Variants in CADPS observed in about 807,000 individuals in gnomAD.
The protein encoded by CADPS is calcium dependent secretion activator.
Under a neutral mutation model 167.3 loss-of-function variants are expected in CADPS, and 57 were observed. The observed-to-expected ratio is 0.34, with a 90% CI of 0.28 to 0.42. The LOEUF (loss-of-function observed/expected upper bound fraction) is 0.42, where lower values mean the gene tolerates loss of function less well. Ranked by LOEUF, CADPS falls within the 20% of genes least tolerant of loss-of-function variation. The pLI is 1.00. For missense variants in CADPS, 1,414 were observed against 1,738.1 expected, an observed-to-expected ratio of 0.81 and a Z score of 3.32; for synonymous variants, 676 against 635.3, an observed-to-expected ratio of 1.06 and a Z score of -0.96.
At chr3:62,855,273 T>C (rs2079461187) in intron 1 of CADPS, among the ~76,000 whole-genome samples, 1 of 151,764 alleles carries the variant, frequency 6.6e-6, no homozygotes, top group African/African-American at 2.4e-5. Flanking sequence ...ATGAGCTCTA[T>C]TCAAAACAAA....
intron 26 of CADPS, among the ~76,000 whole-genome samples, chr3:62,460,548 T>C (rs1222958189): frequency 6.6e-6 from 1 of 152,196 alleles, no homozygotes; most frequent in Non-Finnish European, 1.5e-5. Flanking sequence ...CACCCCACTC[T>C]AGAATTCAGA....
At chr3:62,696,599 C>G (rs2080323708) in intron 3 of CADPS, among the ~76,000 whole-genome samples, 1 of 152,068 alleles carries the variant, frequency 6.6e-6, no homozygotes, top group Non-Finnish European at 1.5e-5. Flanking sequence ...TTCCTCAACT[C>G]TAGGGGATGG....
intron 3 of CADPS, among the ~76,000 whole-genome samples, chr3:62,715,000 T>G (rs1212064652): frequency 6.6e-6 from 1 of 152,138 alleles, no homozygotes; most frequent in African/African-American, 2.4e-5. Flanking sequence ...TAAGAAATGT[T>G]TGTAAATTTG....
chr3:62,520,466 G>A (rs565131153), intron 13 of CADPS, among the ~76,000 whole-genome samples: 1 of 152,200 alleles, frequency 6.6e-6, no homozygotes, highest in Non-Finnish European at 1.5e-5. Flanking sequence ...ACCTCTCCTC[G>A]TACTACTTTC....
At chr3:62,674,943 A>G (rs951086911) in intron 3 of CADPS, among the ~76,000 whole-genome samples, 3 of 152,196 alleles carry the variant, frequency 2.0e-5, no homozygotes, top group Admixed American at 6.5e-5. Context: ...AAATATTGAA[A>G]AATAAATTTA....
chr3:62,404,513 T>C (rs1264055703), intron 28 of CADPS: 1 of 152,264 alleles, frequency 6.6e-6, no homozygotes, highest in Non-Finnish European at 1.5e-5. Context: ...AACTGCCAAG[T>C]TTCACCTTGC....
chr3:62,640,829 C>A (rs7356106), intron 6 of CADPS, among the ~76,000 whole-genome samples: 2,428 of 152,170 alleles, frequency 0.016, 50 homozygotes, highest in African/African-American at 0.055. Context: ...AGTATTTAAT[C>A]CTTGGGGCAT....
chr3:62,549,147 C>T (rs1332423932), intron 11 of CADPS, among the ~76,000 whole-genome samples: 1 of 152,300 alleles, frequency 6.6e-6, no homozygotes, highest in African/African-American at 2.4e-5. Context: ...AAGCAAAAGA[C>T]TCTATTTAGA....
Position 62,874,693 on chromosome 3 carries a change from C to T in CADPS, c.337G>A (p.Glu113Lys), listed in dbSNP as rs762313702. ...AGCTGCAGCCTCTTCTTCCTCTCCT[C>T]CTCCTCTTTCTGCAGCCGCTCCAAC... ...EELERLQKEEEERKKRLQLYV... is the reference protein window; with the variant it reads ...EELERLQKEEKERKKRLQLYV... The change falls in exon 1 of 30, where the codon GAG (glutamate) becomes AAG (lysine). Residue 113 changes from glutamate to lysine, a missense_variant. Coordinates refer to ENST00000383710, the MANE Select transcript of CADPS (RefSeq NM_003716.4). The surrounding 1 kb of genome is among the most constrained non-coding windows in gnomAD (Gnocchi z 7.1). 2.6e-6 allele frequency: 4 copies of T among 1,553,136 alleles called. No homozygotes were observed. The highest frequency in any genetic ancestry group is 3.5e-6 in the Non-Finnish European group (4 of 1,147,366).
intron 4 of CADPS, among the ~76,000 whole-genome samples, chr3:62,652,921 C>A (rs2070594113): frequency 6.6e-6 from 1 of 152,134 alleles, no homozygotes; most frequent in Non-Finnish European, 1.5e-5. Flanking sequence ...CAGCTTCAGT[C>A]AAATACGGAG....
intron 3 of CADPS, among the ~76,000 whole-genome samples, chr3:62,738,634 G>A (rs1427788961): frequency 2.0e-5 from 3 of 152,132 alleles, no homozygotes; most frequent in Non-Finnish European, 2.9e-5. Flanking sequence ...CCTGAGGCAG[G>A]AGAATTGCTT....
intron 3 of CADPS, among the ~76,000 whole-genome samples, chr3:62,727,181 T>TA (rs2076899788): frequency 1.3e-5 from 2 of 151,758 alleles, no homozygotes; most frequent in Admixed American, 1.3e-4. Flanking sequence ...AGAGCATGTA[T>TA]AGGAGTATTT....
At chr3:62,701,742 C>T (rs1240228094) in intron 3 of CADPS, among the ~76,000 whole-genome samples, 2 of 151,996 alleles carry the variant, frequency 1.3e-5, no homozygotes, top group African/African-American at 4.8e-5. Flanking sequence ...GAGAAAGATG[C>T]CTTGTAGAAT....
At chr3:62,723,150 C>T (rs2076123252) in intron 3 of CADPS, among the ~76,000 whole-genome samples, 1 of 152,212 alleles carries the variant, frequency 6.6e-6, no homozygotes, top group South Asian at 2.1e-4. Flanking sequence ...ATGGGAATAA[C>T]TTCTTGTAGA....
At chr3:62,607,053 C>T (rs1410845747) in intron 6 of CADPS, among the ~76,000 whole-genome samples, 2 of 152,206 alleles carry the variant, frequency 1.3e-5, no homozygotes, top group Non-Finnish European at 2.9e-5. Context: ...ACTGATACAA[C>T]CTCTTTATCT....
At chr3:62,533,199 C>T (rs2074064951) in intron 12 of CADPS, 141 bp from the exon 13 acceptor site, 1 of 658,072 alleles carries the variant, frequency 1.5e-6, no homozygotes, top group Non-Finnish European at 2.6e-6. Flanking sequence ...GTGCCAGCCA[C>T]TGTGCACAGC....
chr3:62,431,168 T>G (rs1342426037), intron 28 of CADPS, among the ~76,000 whole-genome samples: 1 of 152,266 alleles, frequency 6.6e-6, no homozygotes, highest in Non-Finnish European at 1.5e-5. Flanking sequence ...AAAATCCCGG[T>G]AGAATTAACA....
At chr3:62,537,894 G>A (rs542114801) in intron 11 of CADPS, among the ~76,000 whole-genome samples, 1 of 152,048 alleles carries the variant, frequency 6.6e-6, no homozygotes, top group South Asian at 2.1e-4. Flanking sequence ...CCTCCTTATT[G>A]TTTGACTTTT....
rs1387908080 is a variant in CADPS, at chr3:62,446,543, C to G, written c.3637-746G>C. Among the ~76,000 whole-genome samples the G allele has an allele frequency of 6.6e-6, 1 of 152,166 alleles. No homozygotes were observed. Among genetic ancestry groups the G allele is most frequent in the Non-Finnish European group, 1.5e-5 (1 of 68,046 alleles). ...GGCAAGTTGCTTCATCTCTCTGAGC[C>G]TCTGTTACCTCATCTGCAAAATGGA... On this transcript the variant is annotated intron_variant, in intron 26 of 29. Transcript: ENST00000383710. This position sits in a 1 kb window ranked among gnomAD's most constrained non-coding sequence, Gnocchi z 4.9.
Sources: gnomAD v4.1 joint callset for allele counts (sites outside exome capture counted in the v4.1 genomes callset) on GRCh38, gnomAD v4.1.1 for gene constraint, Gnocchi (gnomAD v3.1) non-coding constraint, MANE v1.5 for transcripts, NCBI Gene and HGNC (gene_info 2026-07-23, HGNC 2026-07-21) for gene names.